The following LYPD6 variants were observed in gnomAD, a reference collection of about 807,000 sequenced individuals.
LYPD6 encodes the protein LY6/PLAUR domain containing 6.
LYPD6 carries 15 observed loss-of-function variants against 22.7 expected under a neutral mutation model. That is an observed-to-expected ratio of 0.66 (90% CI 0.44 to 1.02). The LOEUF (loss-of-function observed/expected upper bound fraction) is 1.02. Among genes scored for constraint, LYPD6 ranks in the 50% least tolerant of loss-of-function variants. The pLI, the probability that LYPD6 is intolerant of heterozygous loss-of-function variation, is 0.00. For missense variants in LYPD6, 189 were observed against 208.4 expected (o/e 0.91, Z 0.57); for synonymous variants, 72 against 77.5 (o/e 0.93, Z 0.37).
downstream of LYPD6, among the ~76,000 whole-genome samples, chr2:149,477,860 T>C (rs148469186): frequency 5.4e-3 from 819 of 152,260 alleles, 9 homozygotes; most frequent in African/African-American, 0.019. Context: ...AGTCCCCTGC[T>C]CAGATAGGCA....
At chr2:149,447,638 TAC>T (rs1278901163) in intron 2 of LYPD6, among the ~76,000 whole-genome samples, 1 of 152,236 alleles carries the variant, frequency 6.6e-6, no homozygotes, top group Non-Finnish European at 1.5e-5. Context: ...ATAAAAATTT[TAC>T]AATGTACCAG....
chr2:149,362,021 G>A (rs913921509), intron 1 of LYPD6, among the ~76,000 whole-genome samples: 1 of 152,140 alleles, frequency 6.6e-6, no homozygotes, highest in African/African-American at 2.4e-5. Flanking sequence ...TGTAGCCTCT[G>A]GAAAAGGCAA....
chr2:149,474,566 A>T (rs1161335365), downstream of LYPD6, among the ~76,000 whole-genome samples: 5 of 152,010 alleles, frequency 3.3e-5, no homozygotes, highest in African/African-American at 4.8e-5. Context: ...CCACAAACTT[A>T]TATGTTTTCT....
chr2:149,425,776 T>G (rs960673617), intron 1 of LYPD6, among the ~76,000 whole-genome samples: 1 of 152,232 alleles, frequency 6.6e-6, no homozygotes, highest in African/African-American at 2.4e-5. Flanking sequence ...TTTTTTTGCC[T>G]TCAAATGCAG....
At chr2:149,344,018 C>T (rs1014148321) in intron 1 of LYPD6, among the ~76,000 whole-genome samples, 1 of 152,100 alleles carries the variant, frequency 6.6e-6, no homozygotes, top group African/African-American at 2.4e-5. Flanking sequence ...TCAGTGATTC[C>T]CAGACCTATT....
intron 1 of LYPD6, among the ~76,000 whole-genome samples, chr2:149,354,141 C>G (rs1471543529): frequency 6.6e-6 from 1 of 152,150 alleles, no homozygotes; most frequent in East Asian, 1.9e-4. Context: ...GAGGTGGGAG[C>G]AGTGATGATG....
intron 1 of LYPD6, among the ~76,000 whole-genome samples, chr2:149,431,157 A>G (rs565786567): frequency 6.6e-6 from 1 of 152,372 alleles, no homozygotes; most frequent in South Asian, 2.1e-4. Flanking sequence ...CATAAATAAC[A>G]AATGAAAGGT....
chr2:149,368,739 G>A (rs1374449018), intron 1 of LYPD6, among the ~76,000 whole-genome samples: 1 of 151,936 alleles, frequency 6.6e-6, no homozygotes, highest in Non-Finnish European at 1.5e-5. Flanking sequence ...GAAGGGAGAG[G>A]GGGTCTAAAA....
At chr2:149,422,155 T>C (rs1683095196) in intron 1 of LYPD6, among the ~76,000 whole-genome samples, 1 of 152,182 alleles carries the variant, frequency 6.6e-6, no homozygotes, top group Non-Finnish European at 1.5e-5. Context: ...TTAAGGACTA[T>C]GTTAGCTAGC....
chr2:149,425,832 A>G (rs140755086), intron 1 of LYPD6, among the ~76,000 whole-genome samples: 5 of 152,336 alleles, frequency 3.3e-5, no homozygotes, highest in Non-Finnish European at 7.3e-5. Context: ...CTAATTAGTT[A>G]AATGTGTTTG....
At chr2:149,433,551 C>T (rs1025553941) in intron 1 of LYPD6, among the ~76,000 whole-genome samples, 1 of 152,168 alleles carries the variant, frequency 6.6e-6, no homozygotes, top group African/African-American at 2.4e-5. Flanking sequence ...TCTCATGAGG[C>T]ACCCTGCTTG....
At chr2:149,483,670 G>GT in the LYPD6 span, among the ~76,000 whole-genome samples, 2 of 152,202 alleles carry the variant, frequency 1.3e-5, no homozygotes, top group Non-Finnish European at 2.9e-5. Flanking sequence ...AGTCTGTTAA[G>GT]TGATGGATAT....
intron 1 of LYPD6, among the ~76,000 whole-genome samples, chr2:149,360,770 C>A (rs572288271): frequency 6.6e-6 from 1 of 152,150 alleles, no homozygotes; most frequent in South Asian, 2.1e-4. Context: ...TTGAAAAGTC[C>A]TTTTCTCTAG....
At position 149,472,010 on chromosome 2, in the gene LYPD6, T is replaced by A. The variant is rs796083238; in HGVS notation, c.*1160T>A. ...GGAAGTTTTTCTTTCTTTTAGATAT[T>A]GCTTTTGAAGTAGATGGTAAAATTT... On this transcript the variant is annotated 3_prime_UTR_variant, in exon 5 of 5. Transcript: ENST00000334166. 7.9e-5 allele frequency: 12 copies of A among 152,718 alleles called. No homozygotes were observed. Among genetic ancestry groups the A allele is most frequent in the African/African-American group, 2.9e-4 (12 of 41,576 alleles). The allele number at this position is 152,718 out of a possible 1,614,324, so 9.5% of individuals were successfully genotyped here.
At chr2:149,475,827 T>G (rs1240630238), downstream of LYPD6, among the ~76,000 whole-genome samples, 1 of 152,180 alleles carries the variant, frequency 6.6e-6, no homozygotes, top group African/African-American at 2.4e-5. Context: ...ATTTATAGCT[T>G]TCATAGATAA....
chr2:149,352,922 A>C (rs147450115), intron 1 of LYPD6, among the ~76,000 whole-genome samples: 1 of 152,222 alleles, frequency 6.6e-6, no homozygotes. Context: ...GTTGGGCCTT[A>C]AAAGAAAACG....
chr2:149,443,612 C>A (rs1415310449), intron 2 of LYPD6, among the ~76,000 whole-genome samples: 3 of 151,974 alleles, frequency 2.0e-5, no homozygotes, highest in Admixed American at 2.0e-4. Flanking sequence ...GATAGGGAAA[C>A]TATTTTTTAA....
At chr2:149,359,647 A>C (rs538653009) in intron 1 of LYPD6, among the ~76,000 whole-genome samples, 1 of 152,240 alleles carries the variant, frequency 6.6e-6, no homozygotes, top group Non-Finnish European at 1.5e-5. Context: ...CAGGTCCTTT[A>C]ATTCCTTCAT....
chr2:149,394,538 T>A (rs992794433), intron 1 of LYPD6, among the ~76,000 whole-genome samples: 1 of 152,194 alleles, frequency 6.6e-6, no homozygotes, highest in Non-Finnish European at 1.5e-5. Context: ...ATAATAAAAT[T>A]TGTTTTTTTG....
Sources: allele counts gnomAD v4.1 joint callset (sites outside exome capture counted in the v4.1 genomes callset), GRCh38; gene constraint gnomAD v4.1.1; transcripts MANE v1.5; gene names NCBI Gene and HGNC (gene_info 2026-07-23, HGNC 2026-07-21).